The following RGS22 variants were observed in gnomAD, a reference collection of about 807,000 sequenced individuals.
The protein encoded by RGS22 is regulator of G-protein signaling 22.
Under a neutral mutation model 172.9 loss-of-function variants are expected in RGS22, and 148 were observed. That is an observed-to-expected ratio of 0.86 (90% CI 0.75 to 0.98). RGS22 has a LOEUF of 0.98. Among genes scored for constraint, RGS22 ranks in the 50% least tolerant of loss-of-function variants. RGS22 has a pLI of 0.00. For synonymous variants in RGS22, 458 were observed against 480.2 expected (o/e 0.95, Z 0.60); for missense variants, 1,347 against 1,440.8 (o/e 0.93, Z 1.05).
At chr8:100,062,262 C>T (rs1810196653) in intron 9 of RGS22, among the ~76,000 whole-genome samples, 1 of 151,886 alleles carries the variant, frequency 6.6e-6, no homozygotes, top group Non-Finnish European at 1.5e-5. Context: ...CACAAGTTTA[C>T]CTATGTAACA....
At chr8:100,076,799 C>T (rs939331408) in intron 4 of RGS22, among the ~76,000 whole-genome samples, 5 of 151,610 alleles carry the variant, frequency 3.3e-5, no homozygotes, top group African/African-American at 1.2e-4. Flanking sequence ...TCGAGAGCAG[C>T]CTGGCCGACA....
chr8:100,032,387 C>T (rs1021206521), intron 14 of RGS22, among the ~76,000 whole-genome samples: 5 of 152,078 alleles, frequency 3.3e-5, no homozygotes, highest in African/African-American at 1.2e-4. Context: ...ATAAAACAGA[C>T]TTTAAACCAA....
rs1312278740 is a variant in RGS22, at chr8:100,053,459, A to AGGGAGG, written c.1515-484_1515-483insCCTCCC. On this transcript the variant is annotated intron_variant, in intron 9 of 27. Transcript: ENST00000360863. Reference sequence around the variant, plus strand: ...AAGGAAGGAAGGAAGGGAGGGAGGGAGAGAGGGAGGGAGGGAGGGAGGAAA... The same window carrying AGGGAGG: ...AAGGAAGGAAGGAAGGGAGGGAGGGAGGGAGGGAGAGGGAGGGAGGGAGGGAGGAAA... Among the ~76,000 whole-genome samples, 1,082 of 112,082 alleles carry AGGGAGG rather than the reference A, an allele frequency of 9.7e-3. 23 individuals are homozygous for AGGGAGG. Among genetic ancestry groups the AGGGAGG allele is most frequent in the East Asian group, 0.052 (178 of 3,436 alleles). The allele number at this position is 112,082 out of a possible 152,430, so 73.5% of individuals were successfully genotyped here. A position where few individuals can be genotyped will look rare whatever the true frequency, so the allele number is the denominator to read the frequency against.
chr8:100,083,287 A>G (rs2131922739), intron 3 of RGS22, among the ~76,000 whole-genome samples: 1 of 152,312 alleles, frequency 6.6e-6, no homozygotes, highest in South Asian at 2.1e-4. Context: ...GGTTTTATGT[A>G]AAAATTACTA....
chr8:100,024,095 T>A (rs918334534), intron 14 of RGS22: 1 of 152,182 alleles, frequency 6.6e-6, no homozygotes, highest in Non-Finnish European at 1.5e-5. Flanking sequence ...GCCCGCTGAG[T>A]AGCTGGGATT....
chr8:100,032,521 T>A (rs1818935235), intron 14 of RGS22, among the ~76,000 whole-genome samples: 1 of 152,008 alleles, frequency 6.6e-6, no homozygotes, highest in Admixed American at 6.6e-5. Flanking sequence ...ATAAAGCAAG[T>A]CCTTAGAGAC....
intron 10 of RGS22, among the ~76,000 whole-genome samples, chr8:100,050,569 G>T (rs1487953005): frequency 6.6e-6 from 1 of 152,178 alleles, no homozygotes; most frequent in Non-Finnish European, 1.5e-5. Flanking sequence ...CCAAGAGGTT[G>T]TATGTGACTA....
At chr8:100,055,031 C>G (rs1207878286) in intron 9 of RGS22, among the ~76,000 whole-genome samples, 1 of 152,098 alleles carries the variant, frequency 6.6e-6, no homozygotes, top group Non-Finnish European at 1.5e-5. Context: ...GACTCCAGTC[C>G]CTGACTCCTG....
chr8:100,024,326 C>G (rs1010120271), intron 14 of RGS22, among the ~76,000 whole-genome samples: 1 of 152,070 alleles, frequency 6.6e-6, no homozygotes, highest in African/African-American at 2.4e-5. Context: ...TATATGGGGG[C>G]TCATTAAACT....
At chr8:100,084,872 G>C (rs1336704195) in intron 3 of RGS22, among the ~76,000 whole-genome samples, 1 of 152,168 alleles carries the variant, frequency 6.6e-6, no homozygotes, top group Non-Finnish European at 1.5e-5. Context: ...CTATGATAAA[G>C]AGTAAACAAA....
intron 22 of RGS22, among the ~76,000 whole-genome samples, chr8:99,980,111 G>C (rs535786797): frequency 4.6e-4 from 70 of 152,280 alleles, no homozygotes; most frequent in African/African-American, 1.6e-3. Context: ...ATTATTATTT[G>C]TAGAGACAGG....
chr8:100,003,368 C>A (rs968106124), intron 17 of RGS22, among the ~76,000 whole-genome samples: 2 of 151,144 alleles, frequency 1.3e-5, no homozygotes, highest in Non-Finnish European at 3.0e-5. Context: ...TGAAGGGAAA[C>A]CATATACAGT....
intron 14 of RGS22, among the ~76,000 whole-genome samples, chr8:100,026,681 C>CATT (rs2131501554): frequency 6.6e-6 from 1 of 152,266 alleles, no homozygotes; most frequent in Non-Finnish European, 1.5e-5. Context: ...GTTAAAATTT[C>CATT]ATTTGGCTAT....
intron 20 of RGS22, among the ~76,000 whole-genome samples, chr8:99,989,249 C>A (rs527433468): frequency 1.3e-5 from 2 of 152,094 alleles, no homozygotes; most frequent in Admixed American, 1.3e-4. Context: ...TTTATTAGGA[C>A]CTGCAGAAGG....
intron 20 of RGS22, 136 bp downstream of exon 20, chr8:99,996,326 A>G (rs1814379163): frequency 1.5e-6 from 1 of 661,828 alleles, no homozygotes; most frequent in African/African-American, 1.8e-5. Context: ...TCAATTAAAA[A>G]CAGTATCAGT....
At chr8:100,061,129 C>G (rs1198461799) in intron 9 of RGS22, among the ~76,000 whole-genome samples, 1 of 152,170 alleles carries the variant, frequency 6.6e-6, no homozygotes, top group East Asian at 1.9e-4. Flanking sequence ...AAGACTGAAA[C>G]TGGATCCCTT....
intron 9 of RGS22, among the ~76,000 whole-genome samples, chr8:100,058,886 T>C (rs1809869170): frequency 6.6e-6 from 1 of 152,206 alleles, no homozygotes; most frequent in African/African-American, 2.4e-5. Flanking sequence ...ATATGTAAAC[T>C]ACTTTTATAC....
intron 23 of RGS22, 22 bp downstream of exon 23, chr8:99,977,894 AC>A: frequency 6.5e-7 from 1 of 1,542,434 alleles, no homozygotes; most frequent in Non-Finnish European, 8.7e-7. Context: ...GTCTGATAAA[AC>A]CCAAAATGAG....
chr8:99,996,617 T>A (rs1416626737), intron 19 of RGS22, 87 bp from the exon 20 acceptor site: 12 of 1,110,164 alleles, frequency 1.1e-5, no homozygotes, highest in Non-Finnish European at 1.3e-5. Context: ...AAAAATGAGA[T>A]AAAGGTTAAC....
Sources: gnomAD v4.1 joint callset for allele counts (sites outside exome capture counted in the v4.1 genomes callset) on GRCh38, gnomAD v4.1.1 for gene constraint, MANE v1.5 for transcripts, NCBI Gene and HGNC (gene_info 2026-07-23, HGNC 2026-07-21) for gene names.